The following DAPK2 variants were observed in gnomAD, a reference collection of about 807,000 sequenced individuals.
The protein encoded by DAPK2 is death associated protein kinase 2, also known as death-associated protein kinase 2.
In DAPK2, 35 loss-of-function variants were observed where a neutral mutation model predicts 44.1. The ratio of observed to expected loss-of-function variants is 0.79; its 90% CI spans 0.61 to 1.05. The LOEUF (loss-of-function observed/expected upper bound fraction) is 1.05, where lower values mean the gene tolerates loss of function less well. Ranked by LOEUF, DAPK2 falls within the 50% of genes least tolerant of loss-of-function variation. The pLI is 0.00. For synonymous variants in DAPK2, 174 were observed against 182.6 expected (o/e 0.95, Z 0.38); for missense variants, 453 against 483.2 (o/e 0.94, Z 0.59).
At chr15:63,936,029 C>T (rs923774322) in intron 4 of DAPK2, 9 of 152,174 alleles carry the variant, frequency 5.9e-5, no homozygotes, top group Non-Finnish European at 5.9e-5. Flanking sequence ...TGTGAGTCTA[C>T]CTTTTATTTC....
intron 3 of DAPK2, among the ~76,000 whole-genome samples, chr15:63,965,314 A>G (rs1392742160): frequency 6.6e-6 from 1 of 152,204 alleles, no homozygotes; most frequent in Non-Finnish European, 1.5e-5. Flanking sequence ...AAATAAATGA[A>G]GTCTCTCTCT....
intron 1 of DAPK2, among the ~76,000 whole-genome samples, chr15:64,006,726 G>C (rs1449351540): frequency 6.6e-6 from 1 of 152,160 alleles, no homozygotes; most frequent in Non-Finnish European, 1.5e-5. Context: ...GACAGATGCA[G>C]GACCAGACAG....
intron 4 of DAPK2, chr15:63,935,791 C>T (rs1306392053): frequency 6.6e-6 from 1 of 151,904 alleles, no homozygotes; most frequent in Non-Finnish European, 1.5e-5. Flanking sequence ...TCCTCTTTTG[C>T]TTATCCTCTC....
At chr15:64,015,350 T>C (rs768843569) in intron 1 of DAPK2, among the ~76,000 whole-genome samples, 3 of 152,134 alleles carry the variant, frequency 2.0e-5, no homozygotes, top group Non-Finnish European at 4.4e-5. Flanking sequence ...TCCCATTGCC[T>C]AAAGGTCTAA....
rs771541762 is a variant in DAPK2, at chr15:63,939,347, CATA to C, written c.465_467del (p.Ile155del). 1.2e-5 allele frequency: 19 copies of C among 1,573,842 alleles called. No homozygotes were observed. The highest frequency in any genetic ancestry group is 1.8e-5 in the Admixed American group (1 of 56,920). ...GAATGGGAATATTCTTGTCTAACAA[CATA>C]ATGTTTTCTGGCTGGACAACAAAAA... On this transcript the variant is annotated inframe_deletion, in exon 4 of 11. Transcript: ENST00000261891. The surrounding 1 kb of genome is among the most constrained non-coding windows in gnomAD (Gnocchi z 4.3).
rs150858711 is a variant in DAPK2 at position 63,997,885 on chromosome 15, T to C, written c.93-14131A>G. On this transcript the variant is annotated intron_variant, in intron 1 of 10. Coordinates refer to ENST00000261891, the Ensembl canonical transcript of DAPK2. ...GTGAGACCCTGGGCGAGTTTCATCA[T>C]CAGTGAGACAGGAATGAAAACCGCC... 2.9e-4 allele frequency among the ~76,000 whole-genome samples: 44 copies of C among 152,298 alleles called. No individual in the cohort carries two copies. The East Asian group carries it at 7.3e-3, about 25-fold the overall frequency.
chr15:63,924,665 T>C, intron 8 of DAPK2, 151 bp downstream of exon 9: 1 of 786,556 alleles, frequency 1.3e-6, no homozygotes, highest in Non-Finnish European at 2.1e-6. Context: ...GCCCAGGCCC[T>C]CTGGGGCCCC....
intron 3 of DAPK2, among the ~76,000 whole-genome samples, chr15:63,960,814 G>A (rs543140833): frequency 5.9e-5 from 9 of 152,022 alleles, no homozygotes; most frequent in African/African-American, 2.2e-4. Context: ...TGGGAAGAAT[G>A]TACATTCTGT....
At chr15:64,006,182 C>T (rs1277017905) in intron 1 of DAPK2, among the ~76,000 whole-genome samples, 1 of 152,178 alleles carries the variant, frequency 6.6e-6, no homozygotes, top group Non-Finnish European at 1.5e-5. Context: ...GTGGTCTCCG[C>T]TCACCACACT....
chr15:63,951,599 T>A (rs2077588749), intron 3 of DAPK2, among the ~76,000 whole-genome samples: 1 of 151,832 alleles, frequency 6.6e-6, no homozygotes, highest in African/African-American at 2.4e-5. Flanking sequence ...TACCTTTTAT[T>A]TCCGATGGCA....
chr15:64,036,325 A>ATATATATG lies in DAPK2; in HGVS notation c.92+3844_92+3845insCATATATA, dbSNP rs1567290138. ...TGTGTGTGTGTATATATATGTATAT[A>ATATATATG]TATATATATATACATATATATATAT... On this transcript the variant is annotated intron_variant, in intron 1 of 10. Coordinates refer to ENST00000261891, the Ensembl canonical transcript of DAPK2. 7.3e-4 allele frequency among the ~76,000 whole-genome samples: 78 copies of ATATATATG among 106,398 alleles called. 2 individuals carry two copies. The highest frequency in any genetic ancestry group is 4.4e-3 in the East Asian group (8 of 1,838). 69.8% of individuals were successfully genotyped at this position (106,398 alleles called of 152,430 possible).
chr15:63,938,447 G>A (rs961042259), intron 4 of DAPK2, among the ~76,000 whole-genome samples: 3 of 152,198 alleles, frequency 2.0e-5, no homozygotes, highest in Non-Finnish European at 2.9e-5. Flanking sequence ...TGCAGAGCCT[G>A]AAAATCCACC....
chr15:63,910,253 C>T (rs2078753172), intron 10 of DAPK2, among the ~76,000 whole-genome samples: 1 of 152,248 alleles, frequency 6.6e-6, no homozygotes, highest in African/African-American at 2.4e-5. Flanking sequence ...TCCTCAAGTG[C>T]TGGCAAGAGA....
chr15:63,931,423 G>A (rs915064560), intron 4 of DAPK2, among the ~76,000 whole-genome samples: 19 of 152,148 alleles, frequency 1.2e-4, no homozygotes, highest in African/African-American at 3.9e-4. Context: ...GTACAGGAAG[G>A]AGAAATGGGG....
intron 1 of DAPK2, among the ~76,000 whole-genome samples, chr15:64,001,207 CCTG>C (rs2079077236): frequency 8.5e-6 from 1 of 117,316 alleles, no homozygotes; most frequent in African/African-American, 2.8e-5. Flanking sequence ...ACCTCCACTA[CCTG>C]CCAAAAAAAA....
intron 1 of DAPK2, among the ~76,000 whole-genome samples, chr15:64,021,363 C>T (rs2079677617): frequency 1.3e-5 from 2 of 152,200 alleles, no homozygotes; most frequent in African/African-American, 2.4e-5. Flanking sequence ...TGTTCCCCTG[C>T]CCCACCCCCT....
intron 10 of DAPK2, 152 bp downstream of exon 11, chr15:63,911,756 T>C (rs1477166633): frequency 3.9e-6 from 3 of 771,680 alleles, no homozygotes; most frequent in Middle Eastern, 4.6e-4. Flanking sequence ...AGATCACACT[T>C]CAGCCTTCAG....
intron 1 of DAPK2, among the ~76,000 whole-genome samples, chr15:63,989,778 A>G (rs1015739502): frequency 2.6e-5 from 4 of 151,820 alleles, no homozygotes; most frequent in African/African-American, 9.7e-5. Context: ...TGCAACCTCC[A>G]CCTCCTGAAT....
intron 2 of DAPK2, among the ~76,000 whole-genome samples, chr15:63,976,187 GCAA>G (rs2078341368): frequency 6.6e-6 from 1 of 152,174 alleles, no homozygotes; most frequent in Non-Finnish European, 1.5e-5. Context: ...AGAACTTTCT[GCAA>G]TGATGAAAAT....
Sources: allele counts gnomAD v4.1 joint callset (sites outside exome capture counted in the v4.1 genomes callset), GRCh38; gene constraint gnomAD v4.1.1; non-coding constraint Gnocchi (gnomAD v3.1); transcripts MANE v1.5; gene names NCBI Gene and HGNC (gene_info 2026-07-23, HGNC 2026-07-21).